The following MKS1 variants were observed in gnomAD, a reference collection of about 807,000 sequenced individuals.
MKS1 encodes tectonic-like complex member MKS1.
MKS1 carries 70 observed loss-of-function variants against 83.7 expected under a neutral mutation model. The observed-to-expected ratio is 0.84, with a 90% CI of 0.69 to 1.02. The LOEUF (loss-of-function observed/expected upper bound fraction) is 1.02, where lower values mean the gene tolerates loss of function less well. Among genes scored for constraint, MKS1 ranks in the 50% least tolerant of loss-of-function variants. The pLI is 0.00. For synonymous variants in MKS1, 251 were observed against 273.4 expected (o/e 0.92, Z 0.81); for missense variants, 681 against 726.9 (o/e 0.94, Z 0.73).
chr17:58,214,173 C>G, intron 6 of MKS1, 86 bp downstream of exon 6: 1 of 1,594,566 alleles, frequency 6.3e-7, no homozygotes, highest in Non-Finnish European at 8.6e-7. Context: ...TCCCCTATAA[C>G]CTAGGATGAT....
intron 12 of MKS1, 94 bp from the exon 13 acceptor site, chr17:58,208,268 A>G (rs1182412189): frequency 1.7e-6 from 2 of 1,209,282 alleles, no homozygotes; most frequent in Non-Finnish European, 2.4e-6. Context: ...AGGGAAAAAG[A>G]AAAATTATCA....
chr17:58,213,800 T>C lies in MKS1; in HGVS notation c.714A>G (p.Val238=). The C allele has an allele frequency of 3.7e-6, 6 of 1,614,128 alleles. No individual in the cohort carries two copies. Among genetic ancestry groups the C allele is most frequent in the Non-Finnish European group, 4.2e-6 (5 of 1,179,974 alleles). Residue 238 remains valine (V), a synonymous_variant, in exon 7 of 18, where the codon GTA becomes GTG. Coordinates refer to ENST00000393119, the MANE Select transcript of MKS1 (RefSeq NM_017777.4). ...CTTTGAGGCCCGTGAAGTCAGGCTT[T>C]ACTGTGATCACACCATTGCTATCCA... ...LKVDSNGVIT[V]KPDFTGLKGP...
intron 2 of MKS1, among the ~76,000 whole-genome samples, chr17:58,217,831 G>A (rs994279616): frequency 6.6e-6 from 1 of 151,972 alleles, no homozygotes; most frequent in Admixed American, 6.5e-5. Flanking sequence ...CAAAAACAAA[G>A]AAAACAAATC....
At position 58,218,609 on chromosome 17, in the gene MKS1, G is replaced by A. The variant is rs529293609; in HGVS notation, c.190+11C>T. ...TAGTATTAGATGGCACATCACCACC[G>A]TAACACCCACTGGCAGTTGGCTGAG... On this transcript the variant is annotated intron_variant, in intron 2 of 17. Transcript: ENST00000393119. 2.5e-6 allele frequency: 4 copies of A among 1,577,878 alleles called. No homozygotes were observed. The highest frequency in any genetic ancestry group is 1.7e-5 in the Admixed American group (1 of 59,932).
Position 58,205,992 on chromosome 17 carries a change from A to G in MKS1, c.*87T>C, listed in dbSNP as rs1968476839. 13 of 1,544,582 alleles carry G rather than the reference A, an allele frequency of 8.4e-6. No homozygotes were observed. Among genetic ancestry groups the G allele is most frequent in the African/African-American group, 1.4e-5 (1 of 72,960 alleles). On this transcript the variant is annotated 3_prime_UTR_variant, in exon 18 of 18. Coordinates refer to ENST00000393119, the MANE Select transcript of MKS1 (RefSeq NM_017777.4). ...TTCTCAGCAGACCAACGTGGTCTCT[A>G]ATCAGAAAGACGAAGAGGCAGGAGA...
In MKS1 at chr17:58,206,176, A is replaced by G. The variant is rs865938889; in HGVS notation, c.1589-6T>C. On this transcript the variant is annotated splice_polypyrimidine_tract_variant and splice_region_variant and intron_variant, in intron 17 of 17. Transcript: ENST00000393119. Reference sequence around the variant, plus strand: ...CCGGGCTCGACGGAAGGCCTCTGTAAGGAAAGGAGATATGCTATTTGGCTG... The same window carrying G: ...CCGGGCTCGACGGAAGGCCTCTGTAGGGAAAGGAGATATGCTATTTGGCTG... 6 of 1,614,014 alleles carry G rather than the reference A, an allele frequency of 3.7e-6. No individual in the cohort carries two copies. The Middle Eastern group carries it at 9.9e-4, about 266-fold the overall frequency.
chr17:58,214,711 G>T, intron 5 of MKS1, 30 bp downstream of exon 5: 1 of 1,588,802 alleles, frequency 6.3e-7, no homozygotes. Flanking sequence ...AAAAGTAAAA[G>T]CTTGTCCCCC....
rs373491923 is a variant in MKS1, at chr17:58,213,785, C to A, written c.729G>T (p.Thr243=). 1.7e-5 allele frequency: 28 copies of A among 1,613,716 alleles called. No individual in the cohort carries two copies. The highest frequency in any genetic ancestry group is 2.2e-5 in the Non-Finnish European group (26 of 1,179,766). Residue 243 remains threonine (T), a synonymous_variant, in exon 7 of 18, where the codon ACG becomes ACT. Transcript: ENST00000393119. ...CTCACCTGTAGGGTCCTTTGAGGCC[C>A]GTGAAGTCAGGCTTTACTGTGATCA... is the stretch of plus-strand genomic sequence containing the variant. ...NGVITVKPDF[T]GLKGPYRIET...
chr17:58,214,637 G>T, intron 5 of MKS1, 104 bp downstream of exon 5: 1 of 1,205,686 alleles, frequency 8.3e-7, no homozygotes, highest in Non-Finnish European at 1.1e-6. Context: ...TAATTACAAA[G>T]TAATACTTGA....
Position 58,211,895 on chromosome 17 carries a change from A to T in MKS1, c.915+483T>A, listed in dbSNP as rs192621992. The stretch of plus-strand genomic sequence containing the variant: ...TTTTTTAAGAGCCAAAATATGTGAC[A>T]AACAGAAATGGCACCCCTGCCTCTC... On this transcript the variant is annotated intron_variant, in intron 9 of 17. Coordinates refer to ENST00000393119, the MANE Select transcript of MKS1 (RefSeq NM_017777.4). Among the ~76,000 whole-genome samples, 696 of 152,254 alleles carry T rather than the reference A, an allele frequency of 4.6e-3. 9 individuals carry two copies. The highest frequency in any genetic ancestry group is 8.2e-3 in the Admixed American group (126 of 15,292).
intron 2 of MKS1, among the ~76,000 whole-genome samples, chr17:58,218,285 G>A (rs1186853711): frequency 2.6e-5 from 4 of 151,378 alleles, no homozygotes; most frequent in Non-Finnish European, 5.9e-5. Context: ...CGCCTCTACT[G>A]AAAATACAAA....
chr17:58,218,955 A>G, intron 1 of MKS1, 196 bp downstream of exon 1: 1 of 895,300 alleles, frequency 1.1e-6, no homozygotes, highest in Non-Finnish European at 1.7e-6. Flanking sequence ...AAAGACGTGA[A>G]TGGACTTGGG....
intron 4 of MKS1, chr17:58,215,885 G>A: frequency 1.6e-6 from 1 of 631,708 alleles, no homozygotes. Context: ...CTAGCAGGCA[G>A]AGAAGGGAGC....
intron 9 of MKS1, 88 bp downstream of exon 9, chr17:58,212,290 C>T: frequency 6.9e-7 from 1 of 1,455,552 alleles, no homozygotes; most frequent in Non-Finnish European, 9.7e-7. Flanking sequence ...TACCTTTGGG[C>T]CTTTAAGAGA....
intron 2 of MKS1, 22 bp downstream of exon 2, chr17:58,218,598 A>C: frequency 5.2e-6 from 8 of 1,528,134 alleles, no homozygotes; most frequent in Non-Finnish European, 7.3e-6. Flanking sequence ...ATTAGATGGC[A>C]CATCACCACC....
At position 58,209,614 on chromosome 17, in the gene MKS1, C is replaced by T. The variant is rs573693096; in HGVS notation, c.1025-1031G>A. 5.0e-4 allele frequency among the ~76,000 whole-genome samples: 76 copies of T among 152,244 alleles called. No homozygotes were observed. The highest frequency in any genetic ancestry group is 3.4e-3 in the Middle Eastern group (1 of 294). On this transcript the variant is annotated intron_variant, in intron 11 of 17. Transcript: ENST00000393119. This position sits in a 1 kb window ranked among gnomAD's most constrained non-coding sequence, Gnocchi z 4.1. ...CAGAAAGGGTTTCAGACAAAGGAAA[C>T]GGCCCTTAAAAGGCTACAAGGTGGG...
Position 58,214,403 on chromosome 17 carries a change from G to A in MKS1, c.516-16C>T. 1 of 1,612,598 alleles carries A rather than the reference G, an allele frequency of 6.2e-7. No individual in the cohort carries two copies. The highest frequency in any genetic ancestry group is 8.5e-7 in the Non-Finnish European group (1 of 1,180,020). On this transcript the variant is annotated splice_polypyrimidine_tract_variant and intron_variant, in intron 5 of 17. Transcript: ENST00000393119. ...GCCGCCCTCCCTGGGAGACACCACA[G>A]AAAGGTCACTTCCCTGGCACACCCC...
rs114086241 is a variant in MKS1 at position 58,213,920 on chromosome 17, C to T, written c.645-51G>A. On this transcript the variant is annotated intron_variant, in intron 6 of 17. Transcript: ENST00000393119. The stretch of plus-strand genomic sequence containing the variant: ...TGAGGTCAATGGTCCTTCAGGGAAA[C>T]AAGAAGAGATACTGAGCCCACTGCA... The T allele has an allele frequency of 1.2e-3, 1,699 of 1,471,442 alleles. 20 individuals carry two copies. In the African/African-American group the frequency reaches 0.018, roughly 15 times the overall value. 91.1% of individuals were successfully genotyped at this position (1,471,442 alleles called of 1,614,324 possible).
rs11548967 is a variant in MKS1 at position 58,206,088 on chromosome 17, C to T, written c.1671G>A (p.Leu557=). The stretch of plus-strand genomic sequence containing the variant: ...CCAGGGCTGCTGTGAGCTAGGAGAC[C>T]AGGGTTCCAGAGGGGCTCACTAGGT... The part of the protein sequence containing the change: ...PQDLVSPSGT[L]VS The change falls in exon 18 of 18, where the codon CTG becomes CTA. Residue 557 remains leucine, a synonymous_variant. Transcript: ENST00000393119. 4.2e-5 allele frequency: 68 copies of T among 1,611,202 alleles called. No homozygotes were observed. The highest frequency in any genetic ancestry group is 3.5e-4 in the Middle Eastern group (2 of 5,700).
Sources: allele counts gnomAD v4.1 joint callset (sites outside exome capture counted in the v4.1 genomes callset), GRCh38; gene constraint gnomAD v4.1.1; non-coding constraint Gnocchi (gnomAD v3.1); transcripts MANE v1.5; gene names NCBI Gene and HGNC (gene_info 2026-07-23, HGNC 2026-07-21).